ZFHX3: variants seen among roughly 807,000 people sequenced by gnomAD.
ZFHX3 encodes the protein zinc finger homeobox protein 3.
In ZFHX3, 42 loss-of-function variants were observed where a neutral mutation model predicts 279.1. The ratio of observed to expected loss-of-function variants is 0.15; its 90% CI spans 0.12 to 0.19. The LOEUF is 0.19. Ranked by LOEUF, ZFHX3 falls within the 10% of genes least tolerant of loss-of-function variation. The probability of loss-of-function intolerance (pLI) is 1.00; values close to 1 mark genes in which losing one functional copy is unlikely to be tolerated. For synonymous variants in ZFHX3, 2,293 were observed against 1,957.8 expected (o/e 1.17, Z -4.52); for missense variants, 4,981 against 4,754.0 (o/e 1.05, Z -1.40).
At chr16:72,843,685 T>A (rs1353185907) in intron 4 of ZFHX3, among the ~76,000 whole-genome samples, 1 of 152,138 alleles carries the variant, frequency 6.6e-6, no homozygotes, top group Admixed American at 6.5e-5. Context: ...CCTCACACCC[T>A]GCTCCCTGGG....
chr16:73,612,245 A>C (rs571914064), intron 2 of ZFHX3, among the ~76,000 whole-genome samples: 90 of 152,242 alleles, frequency 5.9e-4, no homozygotes, highest in African/African-American at 2.1e-3. Flanking sequence ...TAAAATTTTA[A>C]TTTAGTTAAA....
At chr16:73,630,290 A>C (rs1038952175) in intron 2 of ZFHX3, among the ~76,000 whole-genome samples, 1 of 152,242 alleles carries the variant, frequency 6.6e-6, no homozygotes, top group Non-Finnish European at 1.5e-5. Flanking sequence ...GGAAAATTGG[A>C]AATTAATTTG....
chr16:73,678,978 A>G (rs2052983174), intron 2 of ZFHX3, among the ~76,000 whole-genome samples: 1 of 152,186 alleles, frequency 6.6e-6, no homozygotes, highest in Non-Finnish European at 1.5e-5. Context: ...ACCAACAGGG[A>G]TCAAATATCT....
rs578124634 is a variant in ZFHX3 at position 73,055,558 on chromosome 16, C to T, written c.-24+2972G>A. On this transcript the variant is annotated intron_variant, in intron 1 of 8. Transcript: ENST00000397992. ...TGGGTCAGATTCAAACTCAATGTGACCCTGAGGAGAAGGCAGTCACAGAGT... is the reference window on the plus strand; with the variant it reads ...TGGGTCAGATTCAAACTCAATGTGATCCTGAGGAGAAGGCAGTCACAGAGT... Among the ~76,000 whole-genome samples, 19 of 152,254 alleles carry T rather than the reference C, an allele frequency of 1.2e-4. 2 individuals are homozygous for T. The South Asian group carries it at 3.9e-3, about 32-fold the overall frequency.
At chr16:73,082,720 T>C (rs183799161) in intron 8 of ZFHX3, among the ~76,000 whole-genome samples, 1 of 152,318 alleles carries the variant, frequency 6.6e-6, no homozygotes, top group East Asian at 1.9e-4. Flanking sequence ...GTCCCAATTG[T>C]TTCTCTTAGT....
At chr16:73,846,729 A>G (rs1207114298) in intron 1 of ZFHX3, among the ~76,000 whole-genome samples, 1 of 152,162 alleles carries the variant, frequency 6.6e-6, no homozygotes, top group South Asian at 2.1e-4. Context: ...TCATTCTCAG[A>G]GGCAAATCTT....
intron 2 of ZFHX3, among the ~76,000 whole-genome samples, chr16:73,513,899 C>T (rs2019476609): frequency 6.6e-6 from 1 of 151,904 alleles, no homozygotes; most frequent in Admixed American, 6.6e-5. Context: ...CTTGGCTATG[C>T]CAGATGATTA....
intron 4 of ZFHX3, among the ~76,000 whole-genome samples, chr16:72,855,533 G>A (rs772169867): frequency 2.0e-5 from 3 of 152,208 alleles, no homozygotes; most frequent in Middle Eastern, 3.2e-3. Context: ...ACAGAGGAAC[G>A]AAAACGGATT....
At chr16:73,217,640 G>A (rs1357846513) in intron 5 of ZFHX3, among the ~76,000 whole-genome samples, 1 of 152,084 alleles carries the variant, frequency 6.6e-6, no homozygotes, top group Non-Finnish European at 1.5e-5. Context: ...AATGTACCCT[G>A]GTAATGAAAA....
chr16:73,009,688 G>C (rs752850218), intron 1 of ZFHX3, among the ~76,000 whole-genome samples: 1 of 152,080 alleles, frequency 6.6e-6, no homozygotes, highest in East Asian at 1.9e-4. Flanking sequence ...GCAGCAGATG[G>C]CAGGGCCAGC....
intron 3 of ZFHX3, among the ~76,000 whole-genome samples, chr16:73,356,426 G>T (rs1398189535): frequency 1.3e-5 from 2 of 152,022 alleles, no homozygotes; most frequent in African/African-American, 4.8e-5. Context: ...AGACGGTGAT[G>T]TTGGCAAAGT....
chr16:73,476,225 G>A (rs932444261), intron 2 of ZFHX3, among the ~76,000 whole-genome samples: 2 of 152,040 alleles, frequency 1.3e-5, no homozygotes, highest in African/African-American at 4.8e-5. Context: ...TCCAACTGGT[G>A]TTGAATAAAA....
At chr16:73,433,099 G>A (rs1363940129) in intron 3 of ZFHX3, among the ~76,000 whole-genome samples, 1 of 152,188 alleles carries the variant, frequency 6.6e-6, no homozygotes, top group Non-Finnish European at 1.5e-5. Context: ...GGGATGGAAG[G>A]GACAGGCAGG....
intron 5 of ZFHX3, among the ~76,000 whole-genome samples, chr16:73,151,565 G>A (rs1191521341): frequency 2.3e-5 from 2 of 88,104 alleles, no homozygotes; most frequent in Admixed American, 1.4e-4. Context: ...GGTGATACCT[G>A]CCCGGGCATA....
chr16:73,887,196 A>G (rs2030374961), intron 1 of ZFHX3, among the ~76,000 whole-genome samples: 1 of 152,220 alleles, frequency 6.6e-6, no homozygotes, highest in Non-Finnish European at 1.5e-5. Context: ...ATATCACCTT[A>G]TTCACAGAGA....
At chr16:73,162,308 G>T (rs1486977166) in intron 5 of ZFHX3, among the ~76,000 whole-genome samples, 1 of 152,172 alleles carries the variant, frequency 6.6e-6, no homozygotes, top group Non-Finnish European at 1.5e-5. Context: ...GCACATGCGA[G>T]GGATCTAGGT....
chr16:73,558,710 T>TTC (rs2020324692), intron 2 of ZFHX3, among the ~76,000 whole-genome samples: 1 of 58,254 alleles, frequency 1.7e-5, no homozygotes, highest in African/African-American at 8.6e-5. Flanking sequence ...AAAATGACTC[T>TTC]TTTTTTTTTT....
intron 2 of ZFHX3, among the ~76,000 whole-genome samples, chr16:73,482,287 G>A (rs2018883189): frequency 6.6e-6 from 1 of 152,138 alleles, no homozygotes; most frequent in African/African-American, 2.4e-5. Flanking sequence ...AATTTTGCAA[G>A]CCAACATCTA....
chr16:72,822,934 C>G (rs376735605), intron 5 of ZFHX3, among the ~76,000 whole-genome samples: 1 of 151,288 alleles, frequency 6.6e-6, no homozygotes, highest in African/African-American at 2.4e-5. Context: ...TTTGAATTAA[C>G]TGGAATTTGG....
Sources: gnomAD v4.1 joint callset for allele counts (sites outside exome capture counted in the v4.1 genomes callset) on GRCh38, gnomAD v4.1.1 for gene constraint, MANE v1.5 for transcripts, NCBI Gene and HGNC (gene_info 2026-07-23, HGNC 2026-07-21) for gene names.